Variants in FSIP1 observed in about 807,000 individuals in gnomAD.
FSIP1 encodes fibrous sheath-interacting protein 1.
Under a neutral mutation model 60.9 loss-of-function variants are expected in FSIP1, and 65 were observed. The observed-to-expected ratio is 1.07, with a 90% CI of 0.87 to 1.31. FSIP1 has a LOEUF of 1.31. FSIP1 is among the 40% of genes most tolerant of loss of function. The probability of loss-of-function intolerance (pLI) is 0.00; values close to 1 mark genes in which losing one functional copy is unlikely to be tolerated. For missense variants in FSIP1, 675 were observed against 665.5 expected, an observed-to-expected ratio of 1.01 and a Z score of -0.16; for synonymous variants, 209 against 221.2, an observed-to-expected ratio of 0.94 and a Z score of 0.49.
intron 10 of FSIP1, among the ~76,000 whole-genome samples, chr15:39,689,763 T>C (rs886601832): frequency 6.6e-6 from 1 of 152,220 alleles, no homozygotes; most frequent in Admixed American, 6.5e-5. Context: ...GTAAGATTAG[T>C]TATCTAAATG....
intron 10 of FSIP1, among the ~76,000 whole-genome samples, chr15:39,624,789 G>C (rs571734652): frequency 3.9e-5 from 6 of 152,294 alleles, no homozygotes; most frequent in Admixed American, 3.3e-4. Context: ...TTTTTCACCA[G>C]AATAGTCAGA....
chr15:39,675,551 A>G (rs1237428557), intron 10 of FSIP1, among the ~76,000 whole-genome samples: 7 of 152,224 alleles, frequency 4.6e-5, no homozygotes, highest in African/African-American at 1.7e-4. Context: ...ATATAGATAG[A>G]TCTTGGCAGC....
At chr15:39,772,356 G>A (rs1897916923) in intron 2 of FSIP1, among the ~76,000 whole-genome samples, 1 of 152,092 alleles carries the variant, frequency 6.6e-6, no homozygotes, top group Non-Finnish European at 1.5e-5. Context: ...GCAGTGGCAT[G>A]ATCATGGCTC....
At chr15:39,670,129 G>A (rs918497788) in intron 10 of FSIP1, among the ~76,000 whole-genome samples, 1 of 152,234 alleles carries the variant, frequency 6.6e-6, no homozygotes, top group Non-Finnish European at 1.5e-5. Context: ...TACATGGATA[G>A]TGGTGATAAC....
At chr15:39,635,063 C>T (rs148334183) in intron 10 of FSIP1, among the ~76,000 whole-genome samples, 51 of 152,244 alleles carry the variant, frequency 3.3e-4, no homozygotes, top group Non-Finnish European at 6.0e-4. Context: ...GGGCTGGGTG[C>T]GGTAGCTCAC....
At chr15:39,732,039 A>T (rs1360270165) in intron 8 of FSIP1, among the ~76,000 whole-genome samples, 2 of 152,202 alleles carry the variant, frequency 1.3e-5, no homozygotes, top group African/African-American at 4.8e-5. Flanking sequence ...GGGGTTAGAA[A>T]GGATGGTTTC....
At chr15:39,724,745 A>G (rs1896122595) in intron 9 of FSIP1, among the ~76,000 whole-genome samples, 1 of 152,142 alleles carries the variant, frequency 6.6e-6, no homozygotes. Context: ...GCCATGAAAC[A>G]TTTTCTATAT....
chr15:39,659,338 C>T (rs921336896), intron 10 of FSIP1, among the ~76,000 whole-genome samples: 7 of 151,946 alleles, frequency 4.6e-5, no homozygotes, highest in African/African-American at 1.2e-4. Flanking sequence ...GTCAGGAGAT[C>T]GAGACCATCC....
chr15:39,682,789 T>C (rs571267281), intron 10 of FSIP1, among the ~76,000 whole-genome samples: 3 of 152,206 alleles, frequency 2.0e-5, no homozygotes, highest in Non-Finnish European at 4.4e-5. Context: ...TTTTCTTGCC[T>C]CATGAAATGA....
chr15:39,654,883 G>A (rs1893012151), intron 10 of FSIP1, among the ~76,000 whole-genome samples: 1 of 152,186 alleles, frequency 6.6e-6, no homozygotes, highest in Non-Finnish European at 1.5e-5. Context: ...TTAAAGGGAG[G>A]TTTGTCTGCC....
intron 8 of FSIP1, among the ~76,000 whole-genome samples, chr15:39,735,219 C>A (rs953985455): frequency 3.3e-5 from 5 of 152,168 alleles, no homozygotes; most frequent in Admixed American, 6.5e-5. Flanking sequence ...AAGAAATGTA[C>A]CATTAGGCAA....
intron 10 of FSIP1, among the ~76,000 whole-genome samples, chr15:39,677,875 A>G (rs1340744165): frequency 6.6e-6 from 1 of 152,098 alleles, no homozygotes; most frequent in Non-Finnish European, 1.5e-5. Flanking sequence ...GTATGCCTGT[A>G]GTCCCAGTTA....
intron 5 of FSIP1, among the ~76,000 whole-genome samples, chr15:39,761,831 CATAAAT>C (rs1381728629): frequency 6.6e-6 from 1 of 152,090 alleles, no homozygotes; most frequent in Non-Finnish European, 1.5e-5. Flanking sequence ...TTTTGTACCC[CATAAAT>C]ATAAATTGTC....
chr15:39,597,843 A>C (rs1359521904), downstream of FSIP1: 1 of 152,230 alleles, frequency 6.6e-6, no homozygotes, highest in Non-Finnish European at 1.5e-5. Context: ...CAACTCTCAC[A>C]GCGACATTTT....
intron 8 of FSIP1, among the ~76,000 whole-genome samples, chr15:39,733,401 C>G (rs1161275371): frequency 1.3e-5 from 2 of 152,124 alleles, no homozygotes; most frequent in Non-Finnish European, 1.5e-5. Context: ...ATGGTTGAAA[C>G]CCAACTTAGA....
At chr15:39,647,712 A>G (rs1892677360) in intron 10 of FSIP1, among the ~76,000 whole-genome samples, 1 of 152,226 alleles carries the variant, frequency 6.6e-6, no homozygotes, top group Admixed American at 6.5e-5. Context: ...ATAGAATGAA[A>G]ACACACATGT....
At chr15:39,616,272 C>A (rs768747616) in intron 11 of FSIP1, among the ~76,000 whole-genome samples, 11 of 152,232 alleles carry the variant, frequency 7.2e-5, no homozygotes, top group South Asian at 4.1e-4. Context: ...CATTTAAATT[C>A]TTTTATTTAT....
At chr15:39,641,795 T>A (rs1397620667) in intron 10 of FSIP1, among the ~76,000 whole-genome samples, 1 of 152,134 alleles carries the variant, frequency 6.6e-6, no homozygotes, top group Non-Finnish European at 1.5e-5. Context: ...ACTACCCATA[T>A]CCTAGAGCTT....
chr15:39,769,801 G>C (rs946954749), intron 3 of FSIP1, among the ~76,000 whole-genome samples: 1 of 152,142 alleles, frequency 6.6e-6, no homozygotes, highest in Non-Finnish European at 1.5e-5. Context: ...CCTGATTCAT[G>C]ATAAAGCACC....
Sources: allele counts gnomAD v4.1 joint callset (sites outside exome capture counted in the v4.1 genomes callset), GRCh38; gene constraint gnomAD v4.1.1; transcripts MANE v1.5; gene names NCBI Gene and HGNC (gene_info 2026-07-23, HGNC 2026-07-21).